Variants in CYTH1 observed in about 807,000 individuals in gnomAD.
CYTH1 encodes the protein cytohesin 1.
Under a neutral mutation model 61.8 loss-of-function variants are expected in CYTH1, and 18 were observed. The ratio of observed to expected loss-of-function variants is 0.29; its 90% CI spans 0.20 to 0.43. The LOEUF is 0.43. Among genes scored for constraint, CYTH1 ranks in the 20% least tolerant of loss-of-function variants. The pLI, the probability that CYTH1 is intolerant of heterozygous loss-of-function variation, is 1.00. For synonymous variants in CYTH1, 174 were observed against 184.3 expected (o/e 0.94, Z 0.45); for missense variants, 336 against 510.5 (o/e 0.66, Z 3.29).
rs1175004317 is a variant in CYTH1 at position 78,753,862 on chromosome 17, C to CA, written c.22+28339dup. ...TTGTCTAGTCTAGTACTTCAAACAC[C>CA]AAAAAACCCTTGCAGAATTGTTCTA... is the stretch of plus-strand genomic sequence containing the variant. On this transcript the variant is annotated intron_variant, in intron 1 of 13. Coordinates refer to ENST00000446868, the MANE Select transcript of CYTH1 (RefSeq NM_004762.6). Among the ~76,000 whole-genome samples the CA allele has an allele frequency of 2.6e-5, 4 of 152,134 alleles. No individual in the cohort carries two copies. The East Asian group carries it at 7.7e-4, about 29-fold the overall frequency.
rs555761659 is a variant in CYTH1 at position 78,714,027 on chromosome 17, C to T, written c.23-4295G>A. On this transcript the variant is annotated intron_variant, in intron 1 of 13. Coordinates refer to ENST00000446868, the MANE Select transcript of CYTH1 (RefSeq NM_004762.6). ...GGAATAGGCCAGGCGCGGTGGTCCA[C>T]GCCTGTAATCCTAGCACTTTGGGAG... 9.2e-5 allele frequency among the ~76,000 whole-genome samples: 14 copies of T among 152,278 alleles called. No individual in the cohort carries two copies. The East Asian group carries it at 1.5e-3, about 17-fold the overall frequency.
chr17:78,681,953 G>C (rs1048420921), intron 11 of CYTH1, among the ~76,000 whole-genome samples: 1 of 151,842 alleles, frequency 6.6e-6, no homozygotes, highest in Non-Finnish European at 1.5e-5. Context: ...AAGCCAACCT[G>C]CTTGGTCTTT....
In CYTH1 at chr17:78,734,432, C is replaced by CT. The variant is rs10557033; in HGVS notation, c.23-24701dup. Among the ~76,000 whole-genome samples, 429 of 62,678 alleles carry CT rather than the reference C, an allele frequency of 6.8e-3. 1 individual carries two copies. The highest frequency in any genetic ancestry group is 0.012 in the Admixed American group (48 of 4,148). The allele number at this position is 62,678 out of a possible 152,430, so 41.1% of individuals were successfully genotyped here. A position where few individuals can be genotyped will look rare whatever the true frequency, so the allele number is the denominator to read the frequency against. On this transcript the variant is annotated intron_variant, in intron 1 of 13. Transcript: ENST00000446868. ...TACCAATGTACCAGGTAAAAAAAAG[C>CT]TTTTTTTTTTTTTTTTTTTTTTTTT...
chr17:78,674,629 G>C lies in CYTH1; in HGVS notation c.*1462C>G, dbSNP rs893800573. 4.6e-5 allele frequency: 7 copies of C among 152,520 alleles called. No homozygotes were observed. The highest frequency in any genetic ancestry group is 1.7e-4 in the African/African-American group (7 of 41,472). 9.4% of individuals were successfully genotyped at this position (152,520 alleles called of 1,614,324 possible). ...GGATCAGAGGAGCCGTGGCGACGCG[G>C]CCCTGTGAAAACCCGCAGCTCCTCC... On this transcript the variant is annotated 3_prime_UTR_variant, in exon 14 of 14. Transcript: ENST00000446868.
At chr17:78,771,136 G>A (rs529887465) in intron 1 of CYTH1, among the ~76,000 whole-genome samples, 13 of 152,250 alleles carry the variant, frequency 8.5e-5, no homozygotes, top group African/African-American at 1.4e-4. Context: ...GGTGGTGCCC[G>A]CCTGTAATCC....
chr17:78,690,579 C>T (rs1020300219), intron 11 of CYTH1, among the ~76,000 whole-genome samples: 1 of 151,798 alleles, frequency 6.6e-6, no homozygotes, highest in Non-Finnish European at 1.5e-5. Flanking sequence ...GCCTCTAGTC[C>T]CAGCTACTCA....
intron 11 of CYTH1, among the ~76,000 whole-genome samples, chr17:78,685,122 C>T (rs572096202): frequency 6.7e-6 from 1 of 150,206 alleles, no homozygotes; most frequent in Admixed American, 6.7e-5. Flanking sequence ...TTTCTTGAAT[C>T]CGGGAGGCGG....
Position 78,760,508 on chromosome 17 carries a change from T to TATATATGTATATATATATACATAC in CYTH1, c.22+21693_22+21694insGTATGTATATATATATACATATAT, listed in dbSNP as rs1567879609. 1.7e-4 allele frequency among the ~76,000 whole-genome samples: 8 copies of TATATATGTATATATATATACATAC among 46,924 alleles called. 1 individual carries two copies. The highest frequency in any genetic ancestry group is 9.6e-3 in the Middle Eastern group (1 of 104). 30.8% of individuals were successfully genotyped at this position (46,924 alleles called of 152,430 possible). A position where few individuals can be genotyped will look rare whatever the true frequency, so the allele number is the denominator to read the frequency against. ...ATGTATATATATATACATATATATG[T>TATATATGTATATATATATACATAC]ATATATATGTATATATATATATACA... On this transcript the variant is annotated intron_variant, in intron 1 of 13. Transcript: ENST00000446868.
intron 1 of CYTH1, among the ~76,000 whole-genome samples, chr17:78,751,066 C>G (rs1032589366): frequency 1.3e-4 from 20 of 152,120 alleles, no homozygotes; most frequent in African/African-American, 4.8e-4. Context: ...TCACTGCAAC[C>G]TCTACCTCCC....
At chr17:78,729,755 A>T (rs1347574113) in intron 1 of CYTH1, among the ~76,000 whole-genome samples, 1 of 152,230 alleles carries the variant, frequency 6.6e-6, no homozygotes, top group African/African-American at 2.4e-5. Flanking sequence ...AAAGATCTCT[A>T]AGACACATCT....
chr17:78,694,055 C>T (rs1460271996), intron 10 of CYTH1, among the ~76,000 whole-genome samples: 1 of 152,180 alleles, frequency 6.6e-6, no homozygotes, highest in Non-Finnish European at 1.5e-5. Context: ...ATTCTAACTG[C>T]CAGGACCTGC....
intron 1 of CYTH1, among the ~76,000 whole-genome samples, chr17:78,734,849 C>A (rs1279519323): frequency 6.6e-6 from 1 of 152,160 alleles, no homozygotes; most frequent in African/African-American, 2.4e-5. Flanking sequence ...CTTTCTTAGG[C>A]GTGTTCTTTA....
intron 11 of CYTH1, among the ~76,000 whole-genome samples, chr17:78,684,864 G>A (rs758646961): frequency 6.6e-6 from 1 of 152,166 alleles, no homozygotes; most frequent in African/African-American, 2.4e-5. Context: ...AAGAGTTCCT[G>A]AAATAACCTT....
Position 78,750,563 on chromosome 17 carries a change from C to T in CYTH1, c.22+31639G>A, listed in dbSNP as rs185009685. On this transcript the variant is annotated intron_variant, in intron 1 of 13. Transcript: ENST00000446868. The stretch of plus-strand genomic sequence containing the variant: ...GTGGCTCATGCCTGTAATCCCAGCA[C>T]TTTGGGAGGCCTAGGCGGGTGGATC... 3.7e-3 allele frequency among the ~76,000 whole-genome samples: 570 copies of T among 152,254 alleles called. 4 individuals carry two copies. The highest frequency in any genetic ancestry group is 4.3e-3 in the Non-Finnish European group (292 of 68,010).
intron 11 of CYTH1, among the ~76,000 whole-genome samples, chr17:78,688,760 T>C (rs981362144): frequency 2.0e-5 from 3 of 152,238 alleles, no homozygotes; most frequent in Non-Finnish European, 2.9e-5. Context: ...TTGGTCTCCA[T>C]GCGGTGAGGC....
At chr17:78,765,127 C>T (rs1195068122) in intron 1 of CYTH1, among the ~76,000 whole-genome samples, 8 of 152,084 alleles carry the variant, frequency 5.3e-5, no homozygotes, top group Non-Finnish European at 1.5e-5. Context: ...GTACCAAGCA[C>T]CGCAAGGAGT....
At chr17:78,688,848 C>A (rs1405811578) in intron 11 of CYTH1, among the ~76,000 whole-genome samples, 2 of 152,180 alleles carry the variant, frequency 1.3e-5, no homozygotes, top group Admixed American at 6.5e-5. Context: ...AATGTGATCA[C>A]CTGTTGAAAT....
At chr17:78,676,501 T>C in intron 13 of CYTH1, 2 of 312,338 alleles carry the variant, frequency 6.4e-6, no homozygotes, top group South Asian at 7.2e-5. Context: ...GTGCTTGAGT[T>C]TCCATGATGA....
At chr17:78,727,111 C>A (rs983024357) in intron 1 of CYTH1, among the ~76,000 whole-genome samples, 1 of 152,242 alleles carries the variant, frequency 6.6e-6, no homozygotes, top group Non-Finnish European at 1.5e-5. Flanking sequence ...ACATTCAAAT[C>A]TCGCAGTTTC....
Sources: allele counts gnomAD v4.1 joint callset (sites outside exome capture counted in the v4.1 genomes callset), GRCh38; gene constraint gnomAD v4.1.1; transcripts MANE v1.5; gene names NCBI Gene and HGNC (gene_info 2026-07-23, HGNC 2026-07-21).